The following GNAL variants were observed in gnomAD, a reference collection of about 807,000 sequenced individuals.
GNAL encodes G protein subunit alpha L, also known as guanine nucleotide-binding protein G(olf) subunit alpha.
In GNAL, 18 loss-of-function variants were observed where a neutral mutation model predicts 55.1. That is an observed-to-expected ratio of 0.33 (90% CI 0.23 to 0.48). The LOEUF (loss-of-function observed/expected upper bound fraction) is 0.48. Ranked by LOEUF, GNAL falls within the 20% of genes least tolerant of loss-of-function variation. GNAL has a pLI of 0.99. For synonymous variants in GNAL, 253 were observed against 237.0 expected (o/e 1.07, Z -0.62); for missense variants, 412 against 614.1 (o/e 0.67, Z 3.48).
chr18:11,737,422 G>A (rs2032483478), intron 1 of GNAL, among the ~76,000 whole-genome samples: 1 of 152,058 alleles, frequency 6.6e-6, no homozygotes, highest in Non-Finnish European at 1.5e-5. Flanking sequence ...AGTCTGATCA[G>A]CCCCCAAGGT....
At chr18:11,836,988 C>G (rs532471861) in intron 5 of GNAL, among the ~76,000 whole-genome samples, 10 of 152,336 alleles carry the variant, frequency 6.6e-5, no homozygotes, top group African/African-American at 2.4e-4. Context: ...GAGTCTCGCT[C>G]TGTCACCCAG....
intron 5 of GNAL, among the ~76,000 whole-genome samples, chr18:11,830,985 T>C (rs765884759): frequency 1.1e-4 from 17 of 152,200 alleles, no homozygotes; most frequent in Non-Finnish European, 1.5e-4. Flanking sequence ...GAGGGGGAAC[T>C]TAAGAGTGAC....
intron 4 of GNAL, among the ~76,000 whole-genome samples, chr18:11,761,359 T>C (rs1289971046): frequency 6.6e-6 from 1 of 152,138 alleles, no homozygotes; most frequent in African/African-American, 2.4e-5. Flanking sequence ...CCCCATGCCC[T>C]CTCAGAGCAC....
chr18:11,797,123 G>T (rs935546930), intron 4 of GNAL, among the ~76,000 whole-genome samples: 3 of 152,132 alleles, frequency 2.0e-5, no homozygotes, highest in African/African-American at 7.2e-5. Context: ...GTAAAGACGG[G>T]TTTTCGCCAT....
At chr18:11,879,056 G>A (rs983930599) in intron 11 of GNAL, among the ~76,000 whole-genome samples, 8 of 150,974 alleles carry the variant, frequency 5.3e-5, no homozygotes, top group African/African-American at 1.7e-4. Context: ...GTATACATAT[G>A]TAACAAACCT....
Position 11,868,878 on chromosome 18 carries a change from G to T in GNAL, c.1031+215G>T, listed in dbSNP as rs2036326399. On this transcript the variant is annotated intron_variant, in intron 9 of 11. Coordinates refer to ENST00000334049, the MANE Select transcript of GNAL (RefSeq NM_182978.4). This position sits in a 1 kb window ranked among gnomAD's most constrained non-coding sequence, Gnocchi z 4.0. Reference sequence around the variant, plus strand: ...ATACAAAAATTAGCCAGGTGTGGTGGTGCACACCTGCCCAGTGACTCAGGA... The same window carrying T: ...ATACAAAAATTAGCCAGGTGTGGTGTTGCACACCTGCCCAGTGACTCAGGA... Among the ~76,000 whole-genome samples the T allele has an allele frequency of 6.6e-6, 1 of 151,970 alleles. No individual in the cohort carries two copies. Among genetic ancestry groups the T allele is most frequent in the Admixed American group, 6.6e-5 (1 of 15,256 alleles).
chr18:11,871,160 T>G (rs1308426264), intron 9 of GNAL, among the ~76,000 whole-genome samples: 1 of 152,196 alleles, frequency 6.6e-6, no homozygotes, highest in African/African-American at 2.4e-5. Context: ...ATAAGATTTG[T>G]TTTTACAAAG....
At chr18:11,694,504 C>T (rs2143289867) in intron 1 of GNAL, among the ~76,000 whole-genome samples, 1 of 152,204 alleles carries the variant, frequency 6.6e-6, no homozygotes, top group African/African-American at 2.4e-5. Context: ...TGAAGCATGC[C>T]GTGGCTGGAT....
At chr18:11,708,938 TC>T (rs2031775713) in intron 1 of GNAL, among the ~76,000 whole-genome samples, 1 of 152,218 alleles carries the variant, frequency 6.6e-6, no homozygotes. Flanking sequence ...CAGTTTCAGG[TC>T]TTACAATTAC....
At chr18:11,750,199 G>C (rs991803734) in intron 1 of GNAL, among the ~76,000 whole-genome samples, 79 of 152,320 alleles carry the variant, frequency 5.2e-4, no homozygotes, top group African/African-American at 1.9e-3. Flanking sequence ...AACTCCCACC[G>C]TTCTGGTTTG....
At chr18:11,692,851 T>C (rs1160514559) in intron 1 of GNAL, among the ~76,000 whole-genome samples, 8 of 152,144 alleles carry the variant, frequency 5.3e-5, no homozygotes, top group African/African-American at 1.7e-4. Context: ...CTCACTACGC[T>C]GGCCAGGCTG....
intron 5 of GNAL, chr18:11,852,075 GTC>G (rs775342447): frequency 1.2e-6 from 2 of 1,611,466 alleles, no homozygotes; most frequent in Non-Finnish European, 1.7e-6. Context: ...AGGATGAACT[GTC>G]TCAGAGACTG....
rs922952954 is a variant in GNAL at position 11,691,493 on chromosome 18, TGTTGC to T, written c.376+1555_376+1559del. On this transcript the variant is annotated intron_variant, in intron 1 of 11. Transcript: ENST00000334049. ...GATCCCATTTGTCAATTTTGGCTTT[TGTTGC>T]CATTGCTTTTGGTGTTTTGGACATG... 1.2e-3 allele frequency among the ~76,000 whole-genome samples: 175 copies of T among 149,808 alleles called. 1 individual carries two copies. The highest frequency in any genetic ancestry group is 4.3e-3 in the African/African-American group (169 of 39,614).
intron 5 of GNAL, among the ~76,000 whole-genome samples, chr18:11,834,133 T>C (rs1242026339): frequency 6.6e-6 from 1 of 152,244 alleles, no homozygotes; most frequent in African/African-American, 2.4e-5. Context: ...AAATTTAGTT[T>C]ACATATTCAC....
intron 9 of GNAL, among the ~76,000 whole-genome samples, chr18:11,869,163 A>C (rs552614215): frequency 4.6e-4 from 69 of 151,158 alleles, no homozygotes; most frequent in Non-Finnish European, 9.1e-4. Flanking sequence ...TTTTATTTTG[A>C]GATAGAGTCT....
At chr18:11,738,989 T>C (rs1266718012) in intron 1 of GNAL, among the ~76,000 whole-genome samples, 4 of 152,152 alleles carry the variant, frequency 2.6e-5, no homozygotes, top group Middle Eastern at 3.2e-3. Flanking sequence ...CCTTATTTCA[T>C]GCGATCAGTG....
intron 1 of GNAL, among the ~76,000 whole-genome samples, chr18:11,737,926 C>A (rs1369083988): frequency 1.3e-5 from 2 of 152,222 alleles, no homozygotes; most frequent in Admixed American, 1.3e-4. Flanking sequence ...CCTGCACCCA[C>A]AGGAGCTGGG....
chr18:11,846,961 G>A (rs1382761004), intron 5 of GNAL, among the ~76,000 whole-genome samples: 3 of 151,784 alleles, frequency 2.0e-5, no homozygotes, highest in African/African-American at 7.3e-5. Flanking sequence ...AAAAGGTGAT[G>A]CAGAGGAAAA....
intron 5 of GNAL, among the ~76,000 whole-genome samples, chr18:11,845,425 C>T (rs1257030687): frequency 3.4e-5 from 2 of 58,834 alleles, no homozygotes; most frequent in African/African-American, 6.2e-5. Context: ...GGAGAGTGCA[C>T]TTTTCTTGAA....
Sources: gnomAD v4.1 joint callset for allele counts (sites outside exome capture counted in the v4.1 genomes callset) on GRCh38, gnomAD v4.1.1 for gene constraint, Gnocchi (gnomAD v3.1) non-coding constraint, MANE v1.5 for transcripts, NCBI Gene and HGNC (gene_info 2026-07-23, HGNC 2026-07-21) for gene names.